Variants in RPS6KA2 observed in about 807,000 individuals in gnomAD.
RPS6KA2 encodes ribosomal protein S6 kinase A2.
Under a neutral mutation model 91.8 loss-of-function variants are expected in RPS6KA2, and 42 were observed. The ratio of observed to expected loss-of-function variants is 0.46; its 90% CI spans 0.36 to 0.59. The LOEUF is 0.59. Among genes scored for constraint, RPS6KA2 ranks in the 20% least tolerant of loss-of-function variants. RPS6KA2 has a pLI of 0.00. For missense variants in RPS6KA2, 798 were observed against 978.5 expected (o/e 0.82, Z 2.46); for synonymous variants, 414 against 393.6 (o/e 1.05, Z -0.61).
rs1375789096 is a variant in RPS6KA2 at position 166,603,539 on chromosome 6, C to T, written c.99+23382G>A. ...CTACCGACCAGTCACCTTCTGGAGT[C>T]GAGGGCGCCCAGGTAAAGGGCTTTG... On this transcript the variant is annotated intron_variant, in intron 1 of 20. Coordinates refer to ENST00000265678, the MANE Select transcript of RPS6KA2 (RefSeq NM_021135.6). The surrounding 1 kb of genome is among the most constrained non-coding windows in gnomAD (Gnocchi z 4.3). Among the ~76,000 whole-genome samples, 2 of 152,040 alleles carry T rather than the reference C, an allele frequency of 1.3e-5. No individual in the cohort carries two copies. Among genetic ancestry groups the T allele is most frequent in the East Asian group, 1.9e-4 (1 of 5,184 alleles).
At chr6:166,589,735 G>A (rs1013979270) in intron 1 of RPS6KA2, among the ~76,000 whole-genome samples, 3 of 152,190 alleles carry the variant, frequency 2.0e-5, no homozygotes, top group African/African-American at 7.2e-5. Flanking sequence ...AAAACAGAGC[G>A]TGGTCTATCA....
At chr6:166,847,273 T>C (rs1474413308) in intron 2 of RPS6KA2, among the ~76,000 whole-genome samples, 1 of 152,004 alleles carries the variant, frequency 6.6e-6, no homozygotes, top group Admixed American at 6.6e-5. Flanking sequence ...CACAAACAAA[T>C]GGAAACACAT....
At chr6:166,699,672 C>T (rs752055672) in intron 2 of RPS6KA2, among the ~76,000 whole-genome samples, 1 of 152,192 alleles carries the variant, frequency 6.6e-6, no homozygotes, top group African/African-American at 2.4e-5. Flanking sequence ...CTGGGCTTTG[C>T]TGTCAAGTTA....
intron 2 of RPS6KA2, among the ~76,000 whole-genome samples, chr6:166,786,721 A>G (rs1399474813): frequency 6.6e-6 from 1 of 152,232 alleles, no homozygotes; most frequent in Non-Finnish European, 1.5e-5. Flanking sequence ...CATCATAGCA[A>G]AAGTGAAGAA....
chr6:166,462,755 C>G (rs559482949), intron 11 of RPS6KA2, among the ~76,000 whole-genome samples: 26 of 152,332 alleles, frequency 1.7e-4, no homozygotes, highest in South Asian at 6.2e-4. Context: ...CTGCTTTCCC[C>G]GTGCTTTCCA....
chr6:166,537,468 A>G (rs953447970), intron 2 of RPS6KA2, among the ~76,000 whole-genome samples: 2 of 152,272 alleles, frequency 1.3e-5, no homozygotes, highest in Non-Finnish European at 2.9e-5. Flanking sequence ...AACTAGCCAT[A>G]TTAAATAGAC....
intron 1 of RPS6KA2, among the ~76,000 whole-genome samples, chr6:166,549,385 C>T (rs1783927507): frequency 6.6e-6 from 1 of 152,178 alleles, no homozygotes; most frequent in South Asian, 2.1e-4. Context: ...ATTTGTGATG[C>T]AAAAACTCGA....
At position 166,490,327 on chromosome 6, in the gene RPS6KA2, A is replaced by T. The variant is rs1781543974; in HGVS notation, c.818+344T>A. Among the ~76,000 whole-genome samples the T allele has an allele frequency of 6.6e-6, 1 of 151,950 alleles. No individual in the cohort carries two copies. The highest frequency in any genetic ancestry group is 1.5e-5 in the Non-Finnish European group (1 of 68,016). ...CTTTACTTCTGGGAGGTCACCAACCATCACGCTTGAAAACCAGCCACTACA... is the reference window on the plus strand; with the variant it reads ...CTTTACTTCTGGGAGGTCACCAACCTTCACGCTTGAAAACCAGCCACTACA... On this transcript the variant is annotated intron_variant, in intron 9 of 20. Transcript: ENST00000265678. This position sits in a 1 kb window ranked among gnomAD's most constrained non-coding sequence, Gnocchi z 4.2.
At chr6:166,735,603 G>A (rs1227500810) in intron 2 of RPS6KA2, among the ~76,000 whole-genome samples, 1 of 152,184 alleles carries the variant, frequency 6.6e-6, no homozygotes, top group African/African-American at 2.4e-5. Context: ...GATGGGAGAT[G>A]GTGACAGATC....
At chr6:166,499,416 T>G (rs973057377) in intron 7 of RPS6KA2, among the ~76,000 whole-genome samples, 3 of 152,210 alleles carry the variant, frequency 2.0e-5, no homozygotes, top group African/African-American at 7.2e-5. Flanking sequence ...GGGACTGATA[T>G]GGTTTAGCTG....
At chr6:166,468,856 T>TCCTCCTCAAAAAA (rs567161437) in intron 11 of RPS6KA2, among the ~76,000 whole-genome samples, 1 of 112,184 alleles carries the variant, frequency 8.9e-6, no homozygotes, top group Non-Finnish European at 1.8e-5. Flanking sequence ...AGAGCGAGAC[T>TCCTCCTCAAAAAA]AAAAAAAAAA....
chr6:166,534,221 CAAAAAAAAAAA>C (rs34585369), intron 2 of RPS6KA2, among the ~76,000 whole-genome samples: 2 of 59,358 alleles, frequency 3.4e-5, no homozygotes, highest in East Asian at 5.1e-4. Flanking sequence ...GACTCTGTCT[CAAAAAAAAAAA>C]AAAAAAAAAA....
chr6:166,774,946 T>A (rs1778574423), intron 2 of RPS6KA2, among the ~76,000 whole-genome samples: 1 of 151,926 alleles, frequency 6.6e-6, no homozygotes, highest in Non-Finnish European at 1.5e-5. Flanking sequence ...GTCTTCCAGC[T>A]TTTAGGGTTG....
chr6:166,841,724 A>G (rs762405095), intron 2 of RPS6KA2, among the ~76,000 whole-genome samples: 8 of 152,222 alleles, frequency 5.3e-5, no homozygotes, highest in Non-Finnish European at 1.2e-4. Flanking sequence ...GACAGCAAGT[A>G]ATGGGACCTG....
intron 2 of RPS6KA2, among the ~76,000 whole-genome samples, chr6:166,661,681 A>G (rs192979593): frequency 1.3e-5 from 2 of 152,266 alleles, no homozygotes; most frequent in East Asian, 3.8e-4. Flanking sequence ...ACATATTAAT[A>G]GTTTTCAATA....
Position 166,801,130 on chromosome 6 carries a change from T to G in RPS6KA2, c.123+57070A>C, listed in dbSNP as rs181681118. Among the ~76,000 whole-genome samples the G allele has an allele frequency of 6.1e-3, 929 of 152,306 alleles. 5 individuals carry two copies. The highest frequency in any genetic ancestry group is 9.5e-3 in the Non-Finnish European group (643 of 68,012). ...GCTGCAAGTGCAGTGAGGAGTTTTGTGGTGATTTAATTGTGTCTACTTTTA... is the reference window on the plus strand; with the variant it reads ...GCTGCAAGTGCAGTGAGGAGTTTTGGGGTGATTTAATTGTGTCTACTTTTA... On this transcript the variant is annotated intron_variant, in intron 2 of 21. Coordinates refer to the RPS6KA2 transcript ENST00000503859.
intron 13 of RPS6KA2, 99 bp downstream of exon 13, chr6:166,451,004 C>A: frequency 1.4e-6 from 2 of 1,445,740 alleles, no homozygotes; most frequent in Non-Finnish European, 1.9e-6. Context: ...CCATCCTAAG[C>A]ACCCAACCCC....
rs542485891 is a variant in RPS6KA2, at chr6:166,525,476, C to T, written c.298+5756G>A. Among the ~76,000 whole-genome samples, 4 of 152,274 alleles carry T rather than the reference C, an allele frequency of 2.6e-5. No homozygotes were observed. The South Asian group carries it at 8.3e-4, about 32-fold the overall frequency. ...CCCTCGGAAGTGACCCACCCCCTCT[C>T]TAAAGGAAGGAGACGGGTGCCCAAC... On this transcript the variant is annotated intron_variant, in intron 3 of 20. Coordinates refer to ENST00000265678, the MANE Select transcript of RPS6KA2 (RefSeq NM_021135.6).
At chr6:166,751,845 G>A (rs1404902409) in intron 2 of RPS6KA2, among the ~76,000 whole-genome samples, 1 of 151,582 alleles carries the variant, frequency 6.6e-6, no homozygotes, top group East Asian at 2.1e-4. Context: ...TCAAGGTCAG[G>A]CCCTGTGGAC....
Sources: gnomAD v4.1 joint callset for allele counts (sites outside exome capture counted in the v4.1 genomes callset) on GRCh38, gnomAD v4.1.1 for gene constraint, Gnocchi (gnomAD v3.1) non-coding constraint, MANE v1.5 for transcripts, NCBI Gene and HGNC (gene_info 2026-07-23, HGNC 2026-07-21) for gene names.